The following ZFAND3 variants were observed in gnomAD, a reference collection of about 807,000 sequenced individuals.
ZFAND3 encodes zinc finger AN1-type containing 3.
Under a neutral mutation model 29.6 loss-of-function variants are expected in ZFAND3, and 10 were observed. That is an observed-to-expected ratio of 0.34 (90% CI 0.21 to 0.57). The LOEUF (loss-of-function observed/expected upper bound fraction) is 0.57. Among genes scored for constraint, ZFAND3 ranks in the 20% least tolerant of loss-of-function variants. The pLI, the probability that ZFAND3 is intolerant of heterozygous loss-of-function variation, is 0.86. For missense variants in ZFAND3, 230 were observed against 304.5 expected, an observed-to-expected ratio of 0.76 and a Z score of 1.82; for synonymous variants, 128 against 112.6, an observed-to-expected ratio of 1.14 and a Z score of -0.87.
chr6:37,865,458 T>C (rs1012417777), intron 1 of ZFAND3, among the ~76,000 whole-genome samples: 3 of 152,204 alleles, frequency 2.0e-5, no homozygotes, highest in African/African-American at 7.2e-5. Flanking sequence ...ATGTAAAATA[T>C]GGCACACACA....
At chr6:37,862,580 A>G (rs1764512702) in intron 1 of ZFAND3, among the ~76,000 whole-genome samples, 1 of 151,492 alleles carries the variant, frequency 6.6e-6, no homozygotes, top group African/African-American at 2.4e-5. Flanking sequence ...GCTACTCAGG[A>G]GGTTGAGGTG....
chr6:37,828,128 ACACT>A (rs1323453774), intron 1 of ZFAND3, among the ~76,000 whole-genome samples: 2 of 152,226 alleles, frequency 1.3e-5, no homozygotes, highest in African/African-American at 2.4e-5. Context: ...TAAAATAATC[ACACT>A]CACAGCCACA....
chr6:37,914,662 C>CTTTTTTTTTTT (rs1327923079), intron 1 of ZFAND3, among the ~76,000 whole-genome samples: 7 of 62,468 alleles, frequency 1.1e-4, no homozygotes, highest in African/African-American at 4.0e-4. Context: ...TTCTTTCTTT[C>CTTTTTTTTTTT]TTTTTTTTTC....
chr6:38,031,361 C>G (rs540690576), intron 2 of ZFAND3, among the ~76,000 whole-genome samples: 6 of 152,320 alleles, frequency 3.9e-5, no homozygotes, highest in South Asian at 4.1e-4. Context: ...AAGCCATTCT[C>G]CTGATCTTCA....
intron 2 of ZFAND3, among the ~76,000 whole-genome samples, chr6:37,936,327 T>C (rs1250919233): frequency 6.6e-6 from 1 of 152,216 alleles, no homozygotes; most frequent in South Asian, 2.1e-4. Context: ...GTATGGTGAC[T>C]AGAAAGTAGC....
In ZFAND3 at chr6:37,988,508, T is replaced by C. The variant is rs73421458; in HGVS notation, c.112+58509T>C. Among the ~76,000 whole-genome samples, 219 of 152,316 alleles carry C rather than the reference T, an allele frequency of 1.4e-3. 2 individuals carry two copies. Among genetic ancestry groups the C allele is most frequent in the African/African-American group, 4.4e-3 (181 of 41,572 alleles). ...TGACATTATGCATTATTTTCCCCCA[T>C]GTAGTTCAAGCTGTTCATTTTCTCT... On this transcript the variant is annotated intron_variant, in intron 2 of 5. Coordinates refer to ENST00000287218, the MANE Select transcript of ZFAND3 (RefSeq NM_021943.3).
intron 1 of ZFAND3, among the ~76,000 whole-genome samples, chr6:37,858,590 C>T (rs1581713616): frequency 6.6e-6 from 1 of 152,182 alleles, no homozygotes; most frequent in East Asian, 1.9e-4. Flanking sequence ...CTGTTTCCAC[C>T]TATATGACTG....
chr6:37,886,651 C>G (rs1765000249), intron 1 of ZFAND3, among the ~76,000 whole-genome samples: 1 of 152,088 alleles, frequency 6.6e-6, no homozygotes, highest in Non-Finnish European at 1.5e-5. Context: ...CATGAGTATC[C>G]ATGCATATGC....
chr6:37,954,909 G>C (rs2127422254), intron 2 of ZFAND3, among the ~76,000 whole-genome samples: 1 of 152,288 alleles, frequency 6.6e-6, no homozygotes, highest in African/African-American at 2.4e-5. Flanking sequence ...TTGCCTTGTG[G>C]GAACAGGCAC....
In ZFAND3 at chr6:37,998,224, T is replaced by C. The variant is rs781305334; in HGVS notation, c.113-63369T>C. Among the ~76,000 whole-genome samples, 5 of 152,208 alleles carry C rather than the reference T, an allele frequency of 3.3e-5. No individual in the cohort carries two copies. In the South Asian group the frequency reaches 1.0e-3, roughly 31 times the overall value. ...CAAAAAGGCTGCATTCTATATAATT[T>C]CATTAGTATGACATGGAAGATGGAA... On this transcript the variant is annotated intron_variant, in intron 2 of 5. Transcript: ENST00000287218.
At position 38,122,791 on chromosome 6, in the gene ZFAND3, T is replaced by C. The variant is rs746130627; in HGVS notation, c.529+6052T>C. Reference sequence around the variant, plus strand: ...GGTATAGGTATAAGGTATAAGCCTATGTTATAGTGATATGGAGAGGGAGAG... The same window carrying C: ...GGTATAGGTATAAGGTATAAGCCTACGTTATAGTGATATGGAGAGGGAGAG... On this transcript the variant is annotated intron_variant, in intron 5 of 5. Transcript: ENST00000287218. Among the ~76,000 whole-genome samples, 4 of 152,326 alleles carry C rather than the reference T, an allele frequency of 2.6e-5. No homozygotes were observed. The South Asian group carries it at 8.3e-4, about 32-fold the overall frequency.
intron 1 of ZFAND3, among the ~76,000 whole-genome samples, chr6:37,877,788 T>A (rs1764820434): frequency 6.6e-6 from 1 of 152,102 alleles, no homozygotes. Context: ...ACTACTGATA[T>A]TGAGAGGAGA....
intron 1 of ZFAND3, among the ~76,000 whole-genome samples, chr6:37,900,664 T>G (rs1268612421): frequency 6.6e-6 from 1 of 152,192 alleles, no homozygotes. Context: ...CAACAAATAC[T>G]TGTCACAGGT....
chr6:38,144,185 A>ATATAT (rs1766027209), intron 5 of ZFAND3, among the ~76,000 whole-genome samples: 1 of 3,362 alleles, frequency 3.0e-4, no homozygotes, highest in Admixed American at 2.7e-3. Context: ...TATATATATA[A>ATATAT]TATATATATA....
Position 37,922,414 on chromosome 6 carries a change from C to T in ZFAND3, c.72-7545C>T, listed in dbSNP as rs539821423. ...ACATGTTTTTGAAGAATATTTAAGG[C>T]GTGATAAATATTAAATGTAAATGTA... On this transcript the variant is annotated intron_variant, in intron 1 of 5. Coordinates refer to ENST00000287218, the MANE Select transcript of ZFAND3 (RefSeq NM_021943.3). 3.3e-3 allele frequency among the ~76,000 whole-genome samples: 494 copies of T among 151,778 alleles called. 3 individuals are homozygous for T. The highest frequency in any genetic ancestry group is 0.011 in the African/African-American group (446 of 41,348).
At chr6:37,826,146 T>C (rs1302985896) in intron 1 of ZFAND3, among the ~76,000 whole-genome samples, 2 of 152,184 alleles carry the variant, frequency 1.3e-5, no homozygotes, top group Admixed American at 6.5e-5. Context: ...AAGGTTGATA[T>C]CTCAGCAAAG....
At chr6:38,108,005 G>T (rs1765241821) in intron 4 of ZFAND3, among the ~76,000 whole-genome samples, 1 of 151,884 alleles carries the variant, frequency 6.6e-6, no homozygotes, top group African/African-American at 2.4e-5. Flanking sequence ...AATTAAAAGA[G>T]ATTTAGACAT....
At chr6:38,035,659 T>G (rs996883065) in intron 2 of ZFAND3, among the ~76,000 whole-genome samples, 1 of 152,188 alleles carries the variant, frequency 6.6e-6, no homozygotes, top group Non-Finnish European at 1.5e-5. Flanking sequence ...TTCTGTAATA[T>G]GAACTGTTGT....
At chr6:38,042,228 C>T (rs1763804029) in intron 2 of ZFAND3, among the ~76,000 whole-genome samples, 1 of 151,650 alleles carries the variant, frequency 6.6e-6, no homozygotes, top group Non-Finnish European at 1.5e-5. Flanking sequence ...TAAAACAATG[C>T]ATGGACTAAG....
Sources: allele counts gnomAD v4.1 joint callset (sites outside exome capture counted in the v4.1 genomes callset), GRCh38; gene constraint gnomAD v4.1.1; transcripts MANE v1.5; gene names NCBI Gene and HGNC (gene_info 2026-07-23, HGNC 2026-07-21).